THSD7A: variants seen among roughly 807,000 people sequenced by gnomAD.
The protein encoded by THSD7A is thrombospondin type 1 domain containing 7A.
THSD7A carries 96 observed loss-of-function variants against 231.3 expected under a neutral mutation model. That is an observed-to-expected ratio of 0.41 (90% CI 0.35 to 0.49). THSD7A has a LOEUF of 0.49. THSD7A is among the 20% of genes least tolerant of loss of function. THSD7A has a pLI of 0.05. For missense variants in THSD7A, 2,290 were observed against 2,070.2 expected (o/e 1.11, Z -2.06); for synonymous variants, 940 against 743.3 (o/e 1.26, Z -4.30).
In THSD7A at chr7:11,609,577, T is replaced by C. The variant is rs192217832; in HGVS notation, c.1023-16075A>G. On this transcript the variant is annotated intron_variant, in intron 2 of 27. Transcript: ENST00000423059. ...ATGAAAGAATTCCTAAATATTATTG[T>C]TGCCCAACATAAGAAGAGCTGCCTA... Among the ~76,000 whole-genome samples the C allele has an allele frequency of 3.3e-5, 5 of 152,236 alleles. No individual in the cohort carries two copies. In the South Asian group the frequency reaches 6.2e-4, roughly 19 times the overall value.
chr7:11,460,637 T>G, intron 11 of THSD7A, 25 bp downstream of exon 11: 2 of 1,571,620 alleles, frequency 1.3e-6, no homozygotes, highest in Non-Finnish European at 1.7e-6. Flanking sequence ...GCTGGAGAAA[T>G]GAACTGTGGA....
At chr7:11,541,024 C>T (rs902402693) in intron 6 of THSD7A, among the ~76,000 whole-genome samples, 4 of 152,126 alleles carry the variant, frequency 2.6e-5, no homozygotes, top group African/African-American at 9.7e-5. Context: ...TCAAACAATG[C>T]TTACAACCCT....
chr7:11,493,640 A>G (rs1419357546), intron 6 of THSD7A, among the ~76,000 whole-genome samples: 2 of 152,126 alleles, frequency 1.3e-5, no homozygotes, highest in African/African-American at 2.4e-5. Context: ...ATTTACATAT[A>G]GTTATTTAAT....
rs374199938 is a variant in THSD7A at position 11,543,059 on chromosome 7, C to T, written c.1512G>A (p.Leu504=). The T allele has an allele frequency of 4.3e-6, 7 of 1,613,720 alleles. No homozygotes were observed. The highest frequency in any genetic ancestry group is 5.1e-6 in the Non-Finnish European group (6 of 1,179,814). ...ATTCAGTTGGACAAGGAATGTGGCA[C>T]AGCTGTGTAGTATTAGGGATAGGTC... is the stretch of plus-strand genomic sequence containing the variant. ...CTGPIPNTTQ[L]CHIPCPTECE... Residue 504 remains leucine, a synonymous_variant, in exon 5 of 28, where the codon CTG becomes CTA. Transcript: ENST00000423059.
intron 1 of THSD7A, among the ~76,000 whole-genome samples, chr7:11,712,507 C>A (rs751057315): frequency 4.0e-5 from 6 of 151,016 alleles, no homozygotes; most frequent in Non-Finnish European, 8.9e-5. Flanking sequence ...TGATACAGGA[C>A]AAACACTGTC....
chr7:11,768,805 A>C (rs1783112970), intron 1 of THSD7A, among the ~76,000 whole-genome samples: 1 of 152,022 alleles, frequency 6.6e-6, no homozygotes, highest in Non-Finnish European at 1.5e-5. Flanking sequence ...ATGATATTTA[A>C]ATTTAAAAGT....
At chr7:11,548,657 C>T (rs40) in intron 4 of THSD7A, among the ~76,000 whole-genome samples, 58,773 of 151,838 alleles carry the variant, frequency 0.39, 12,146 homozygotes, top group Admixed American at 0.59. Flanking sequence ...GAAAGCTGAA[C>T]CACCACAATC....
chr7:11,731,474 G>A (rs989945162), intron 1 of THSD7A, among the ~76,000 whole-genome samples: 3 of 151,588 alleles, frequency 2.0e-5, no homozygotes, highest in East Asian at 3.9e-4. Flanking sequence ...CTTCCATAAT[G>A]TCTCAGAGTT....
At chr7:11,647,807 T>C (rs1483239514) in intron 1 of THSD7A, among the ~76,000 whole-genome samples, 1 of 152,044 alleles carries the variant, frequency 6.6e-6, no homozygotes, top group Non-Finnish European at 1.5e-5. Context: ...TACAGGTTGG[T>C]CCTTAGCAAT....
At chr7:11,548,914 G>A (rs570128014) in intron 4 of THSD7A, among the ~76,000 whole-genome samples, 1 of 151,004 alleles carries the variant, frequency 6.6e-6, no homozygotes, top group East Asian at 1.9e-4. Flanking sequence ...AAAGCTGTAA[G>A]TATTCACCTT....
chr7:11,395,548 G>C (rs1458967491), intron 23 of THSD7A, among the ~76,000 whole-genome samples: 2 of 142,878 alleles, frequency 1.4e-5, no homozygotes, highest in African/African-American at 2.6e-5. Flanking sequence ...TCTTTTTTGA[G>C]ACAGAATCTT....
At chr7:11,445,068 GT>G (rs914184819) in intron 13 of THSD7A, among the ~76,000 whole-genome samples, 1 of 151,562 alleles carries the variant, frequency 6.6e-6, no homozygotes, top group African/African-American at 2.4e-5. Context: ...TATTAGCATT[GT>G]TTTCTGAACC....
chr7:11,788,336 C>T (rs2883592), intron 1 of THSD7A, among the ~76,000 whole-genome samples: 29,955 of 151,836 alleles, frequency 0.2, 3,200 homozygotes, highest in South Asian at 0.28. Flanking sequence ...GACTGTTTTG[C>T]CACTGTCTAA....
intron 1 of THSD7A, among the ~76,000 whole-genome samples, chr7:11,805,348 A>G (rs936484395): frequency 6.6e-6 from 1 of 152,152 alleles, no homozygotes; most frequent in African/African-American, 2.4e-5. Context: ...TTACCCAATA[A>G]AAGTATATCT....
chr7:11,437,627 A>G (rs1784676561), intron 13 of THSD7A, among the ~76,000 whole-genome samples: 1 of 152,058 alleles, frequency 6.6e-6, no homozygotes. Flanking sequence ...CAAATGGAAA[A>G]GCTCTTTGGA....
chr7:11,482,381 C>G (rs372583185), intron 6 of THSD7A, among the ~76,000 whole-genome samples: 2 of 152,182 alleles, frequency 1.3e-5, no homozygotes, highest in Admixed American at 6.5e-5. Flanking sequence ...ATGACTCTAT[C>G]CATAGCATCT....
intron 6 of THSD7A, among the ~76,000 whole-genome samples, chr7:11,502,409 C>G (rs1006345720): frequency 2.0e-5 from 3 of 152,132 alleles, no homozygotes; most frequent in Non-Finnish European, 2.9e-5. Flanking sequence ...CAAACCAAAT[C>G]CAGCAGCACG....
chr7:11,691,076 G>A (rs1383455837), intron 1 of THSD7A, among the ~76,000 whole-genome samples: 1 of 151,552 alleles, frequency 6.6e-6, no homozygotes, highest in Non-Finnish European at 1.5e-5. Context: ...AATATGTTAG[G>A]TTTTTGTATC....
At chr7:11,746,412 T>C (rs143269668) in intron 1 of THSD7A, among the ~76,000 whole-genome samples, 2 of 151,914 alleles carry the variant, frequency 1.3e-5, no homozygotes, top group Non-Finnish European at 2.9e-5. Flanking sequence ...TTCCAGGATC[T>C]AATCCAGAAT....
Sources: allele counts gnomAD v4.1 joint callset (sites outside exome capture counted in the v4.1 genomes callset), GRCh38; gene constraint gnomAD v4.1.1; transcripts MANE v1.5; gene names NCBI Gene and HGNC (gene_info 2026-07-23, HGNC 2026-07-21).